SORCS1: variants seen among roughly 807,000 people sequenced by gnomAD.
SORCS1 encodes the protein VPS10 domain-containing receptor SorCS1.
A neutral mutation model predicts 146.1 loss-of-function variants in SORCS1; 60 were observed. The ratio of observed to expected loss-of-function variants is 0.41; its 90% CI spans 0.33 to 0.51. The LOEUF is 0.51. Ranked by LOEUF, SORCS1 falls within the 20% of genes least tolerant of loss-of-function variation. The pLI is 0.21. For synonymous variants in SORCS1, 637 were observed against 584.0 expected, an observed-to-expected ratio of 1.09 and a Z score of -1.31; for missense variants, 1,352 against 1,487.6, an observed-to-expected ratio of 0.91 and a Z score of 1.50.
At position 106,850,934 on chromosome 10, in the gene SORCS1, A is replaced by G. The variant is rs571956680; in HGVS notation, c.627-21261T>C. 3.0e-4 allele frequency among the ~76,000 whole-genome samples: 45 copies of G among 152,124 alleles called. 1 individual carries two copies. Among genetic ancestry groups the G allele is most frequent in the Admixed American group, 7.9e-4 (12 of 15,270 alleles). ...ACATCACTATCTTCTAGCCAATTGC[A>G]AAAAAACACAGAAACTTGGAGTCAT... On this transcript the variant is annotated intron_variant, in intron 2 of 25. Transcript: ENST00000263054.
chr10:106,699,165 C>T, intron 9 of SORCS1, 49 bp downstream of exon 9: 1 of 1,501,240 alleles, frequency 6.7e-7, no homozygotes, highest in Non-Finnish European at 8.9e-7. Flanking sequence ...CTTCCATCAG[C>T]CAGCTGGGCA....
At chr10:107,063,996 A>T (rs986565236) in intron 1 of SORCS1, among the ~76,000 whole-genome samples, 25 of 152,312 alleles carry the variant, frequency 1.6e-4, no homozygotes, top group African/African-American at 6.0e-4. Flanking sequence ...TCTAGGCCTC[A>T]TTGAGTCGAA....
chr10:106,603,285 C>T (rs953563673), intron 23 of SORCS1, among the ~76,000 whole-genome samples: 1 of 152,136 alleles, frequency 6.6e-6, no homozygotes, highest in Non-Finnish European at 1.5e-5. Context: ...CAGCAGCACG[C>T]GCTCCCCTTG....
At position 106,739,119 on chromosome 10, in the gene SORCS1, C is replaced by T. The variant is rs1589774612; in HGVS notation, c.960-9005G>A. 2.6e-5 allele frequency among the ~76,000 whole-genome samples: 4 copies of T among 152,204 alleles called. No homozygotes were observed. The South Asian group carries it at 8.3e-4, about 32-fold the overall frequency. On this transcript the variant is annotated intron_variant, in intron 5 of 25. Coordinates refer to ENST00000263054, the MANE Select transcript of SORCS1 (RefSeq NM_052918.5). ...GCAAAGAAATAAAAGAATCATGAGGCCAAAAACTGAGAGAAGATGGAAATT... is the reference window on the plus strand; with the variant it reads ...GCAAAGAAATAAAAGAATCATGAGGTCAAAAACTGAGAGAAGATGGAAATT...
At chr10:107,145,503 A>G (rs1300013839) in intron 1 of SORCS1, among the ~76,000 whole-genome samples, 1 of 152,234 alleles carries the variant, frequency 6.6e-6, no homozygotes, top group Non-Finnish European at 1.5e-5. Context: ...ATCACTGTGC[A>G]GGAAAATTTA....
chr10:106,775,635 T>A (rs1287869137), intron 4 of SORCS1, among the ~76,000 whole-genome samples: 2 of 152,314 alleles, frequency 1.3e-5, no homozygotes, highest in East Asian at 3.9e-4. Flanking sequence ...ATTTATATAA[T>A]TTCTAATTCA....
chr10:106,634,770 G>C (rs1384273745), intron 18 of SORCS1, among the ~76,000 whole-genome samples: 1 of 152,172 alleles, frequency 6.6e-6, no homozygotes, highest in Non-Finnish European at 1.5e-5. Flanking sequence ...AAAGAAGATA[G>C]AGAATATGAG....
intron 9 of SORCS1, among the ~76,000 whole-genome samples, chr10:106,697,004 C>G (rs1311187540): frequency 6.6e-6 from 1 of 152,130 alleles, no homozygotes; most frequent in East Asian, 1.9e-4. Flanking sequence ...GGGGATTAAG[C>G]TTGGGCAGTT....
intron 1 of SORCS1, among the ~76,000 whole-genome samples, chr10:106,981,912 G>A (rs112349660): frequency 2.2e-4 from 34 of 152,264 alleles, no homozygotes; most frequent in African/African-American, 7.9e-4. Flanking sequence ...AGAAGCCCAC[G>A]AAATAGTGCA....
intron 24 of SORCS1, among the ~76,000 whole-genome samples, chr10:106,593,573 C>G (rs1448068901): frequency 6.6e-6 from 1 of 152,154 alleles, no homozygotes; most frequent in Non-Finnish European, 1.5e-5. Context: ...GCTAATTATC[C>G]ACATATAAAT....
the SORCS1 span, among the ~76,000 whole-genome samples, chr10:107,174,276 G>A: frequency 0.23 from 35,067 of 151,948 alleles, 4,227 homozygotes; most frequent in African/African-American, 0.29. Flanking sequence ...CGCCATCTCG[G>A]CTCACTGCAA....
In SORCS1 at chr10:106,776,703, G is replaced by T. The variant is rs368039801; in HGVS notation, c.727-11C>A. The T allele has an allele frequency of 4.8e-5, 76 of 1,589,096 alleles. No individual in the cohort carries two copies. Among genetic ancestry groups the T allele is most frequent in the Non-Finnish European group, 6.3e-5 (73 of 1,165,842 alleles). On this transcript the variant is annotated splice_polypyrimidine_tract_variant and intron_variant, in intron 3 of 25. Transcript: ENST00000263054. ...TGTGAGTAACATTATCTGCAGCAAA[G>T]AATTGTTGGAGAAAGAAACAACAGA...
At chr10:106,708,800 TG>T (rs1175719774) in intron 7 of SORCS1, among the ~76,000 whole-genome samples, 1 of 152,020 alleles carries the variant, frequency 6.6e-6, no homozygotes, top group Non-Finnish European at 1.5e-5. Flanking sequence ...ACTTTTAAGG[TG>T]GGTATTGGGG....
rs1457709280 is a variant in SORCS1 at position 106,608,862 on chromosome 10, G to T, written c.3034-1565C>A. Among the ~76,000 whole-genome samples the T allele has an allele frequency of 2.6e-5, 4 of 152,308 alleles. No individual in the cohort carries two copies. The East Asian group carries it at 7.7e-4, about 29-fold the overall frequency. On this transcript the variant is annotated intron_variant, in intron 22 of 25. Transcript: ENST00000263054. ...CTTCAAGAGACCCCGAGGGGAGACA[G>T]AATGGCCCTTCAGAGTTGTCTTAAA...
rs2135835131 is a variant in SORCS1 at position 106,709,353 on chromosome 10, A to C, written c.1025-12T>G. Reference sequence around the variant, plus strand: ...TAGATAATGTGAATCTGAAAAACAAAAACAAAAACAAAAACATGGGGTTGA... The same window carrying C: ...TAGATAATGTGAATCTGAAAAACAACAACAAAAACAAAAACATGGGGTTGA... On this transcript the variant is annotated splice_polypyrimidine_tract_variant and intron_variant, in intron 6 of 25. Transcript: ENST00000263054. 2.6e-6 allele frequency: 4 copies of C among 1,541,404 alleles called. No individual in the cohort carries two copies. In the East Asian group the frequency reaches 6.7e-5, roughly 26 times the overall value.
In SORCS1 at chr10:106,924,493, C is replaced by G. The variant is rs185944631; in HGVS notation, c.626+32020G>C. On this transcript the variant is annotated intron_variant, in intron 2 of 25. Coordinates refer to ENST00000263054, the MANE Select transcript of SORCS1 (RefSeq NM_052918.5). ...TCTATCTATCTATCTATCTATCTAT[C>G]TATCTATCTATCTATCTATCTAATT... Among the ~76,000 whole-genome samples the G allele has an allele frequency of 6.6e-3, 1,011 of 152,046 alleles. 8 individuals are homozygous for G. Among genetic ancestry groups the G allele is most frequent in the African/African-American group, 0.023 (965 of 41,454 alleles).
At chr10:106,805,957 G>A (rs765712958) in intron 3 of SORCS1, among the ~76,000 whole-genome samples, 45 of 151,544 alleles carry the variant, frequency 3.0e-4, no homozygotes, top group Non-Finnish European at 5.0e-4. Flanking sequence ...CTACTCGGGA[G>A]GCTGAGGCAC....
At chr10:107,092,898 A>C (rs1345834740) in intron 1 of SORCS1, among the ~76,000 whole-genome samples, 1 of 151,576 alleles carries the variant, frequency 6.6e-6, no homozygotes, top group African/African-American at 2.4e-5. Flanking sequence ...AAAAAAAAAA[A>C]AAAAAAAACC....
intron 5 of SORCS1, among the ~76,000 whole-genome samples, chr10:106,752,596 C>T (rs1458752317): frequency 1.3e-5 from 2 of 152,048 alleles, no homozygotes; most frequent in African/African-American, 4.8e-5. Flanking sequence ...ATGGCAAGAA[C>T]CTAGTTAGAT....
Sources: gnomAD v4.1 joint callset for allele counts (sites outside exome capture counted in the v4.1 genomes callset) on GRCh38, gnomAD v4.1.1 for gene constraint, MANE v1.5 for transcripts, NCBI Gene and HGNC (gene_info 2026-07-23, HGNC 2026-07-21) for gene names.